The following DIS3L2 variants were observed in gnomAD, a reference collection of about 807,000 sequenced individuals.
DIS3L2 encodes the protein DIS3 like 3'-5' exoribonuclease 2.
DIS3L2 carries 34 observed loss-of-function variants against 97.5 expected under a neutral mutation model. That is an observed-to-expected ratio of 0.35 (90% CI 0.27 to 0.46). DIS3L2 has a LOEUF of 0.46. Ranked by LOEUF, DIS3L2 falls within the 20% of genes least tolerant of loss-of-function variation. DIS3L2 has a pLI of 1.00. For missense variants in DIS3L2, 1,038 were observed against 1,146.0 expected (o/e 0.91, Z 1.36); for synonymous variants, 435 against 445.2 (o/e 0.98, Z 0.29).
intron 5 of DIS3L2, among the ~76,000 whole-genome samples, chr2:232,061,689 A>C (rs1243281642): frequency 6.6e-6 from 1 of 152,202 alleles, no homozygotes; most frequent in Non-Finnish European, 1.5e-5. Context: ...CTTCTGACCC[A>C]TGGAAGTGCA....
intron 6 of DIS3L2, among the ~76,000 whole-genome samples, chr2:232,123,356 T>C (rs940897816): frequency 1.3e-5 from 2 of 152,176 alleles, no homozygotes; most frequent in Admixed American, 1.3e-4. Context: ...ATGGGGTTGC[T>C]GAGACAAATG....
At chr2:232,185,860 A>G (rs997617925) in intron 9 of DIS3L2, among the ~76,000 whole-genome samples, 4 of 152,236 alleles carry the variant, frequency 2.6e-5, no homozygotes, top group African/African-American at 9.6e-5. Context: ...AAAAAAAAAA[A>G]AAAAAAGCAC....
chr2:232,157,155 G>A (rs1352228491), intron 8 of DIS3L2, among the ~76,000 whole-genome samples: 4 of 152,160 alleles, frequency 2.6e-5, no homozygotes, highest in Non-Finnish European at 5.9e-5. Context: ...CAGGGTTCTT[G>A]TAGTCTCAGA....
chr2:232,148,551 C>T (rs925068719), intron 8 of DIS3L2, among the ~76,000 whole-genome samples: 1 of 152,028 alleles, frequency 6.6e-6, no homozygotes, highest in Non-Finnish European at 1.5e-5. Context: ...TTAATTACTA[C>T]TAATAGGAAC....
At chr2:232,231,688 A>G (rs1188574893) in intron 10 of DIS3L2, among the ~76,000 whole-genome samples, 1 of 152,238 alleles carries the variant, frequency 6.6e-6, no homozygotes, top group African/African-American at 2.4e-5. Context: ...AGGGCTCAGC[A>G]CCTGCATGGG....
intron 10 of DIS3L2, among the ~76,000 whole-genome samples, chr2:232,214,530 T>G (rs1431221781): frequency 1.3e-5 from 2 of 152,148 alleles, no homozygotes; most frequent in African/African-American, 4.8e-5. Flanking sequence ...ATTCTCAACT[T>G]AGCATCCTAA....
intron 11 of DIS3L2, among the ~76,000 whole-genome samples, chr2:232,247,628 GGGGGGGGCGGGGGGGA>G (rs1693294675): frequency 1.5e-5 from 1 of 66,388 alleles, no homozygotes; most frequent in Non-Finnish European, 3.8e-5. Context: ...GGGGGGGGGG[GGGGGGGGCGGGGGGGA>G]GGGTGCCAAT....
rs1173610603 is a variant in DIS3L2 at position 232,087,667 on chromosome 2, C to A, written c.547C>A (p.Gln183Lys). Residue 183 changes from glutamine (Q) to lysine (K), a missense_variant, in exon 6 of 21, where the codon CAA becomes AAA. By Grantham distance (53) the Gln-to-Lys change is moderately conservative. Coordinates refer to ENST00000325385, the MANE Select transcript of DIS3L2 (RefSeq NM_152383.5). ...CTCAGAAGATGGACATGGCATCACA[C>A]AAAATGTGCTGGTTGATGGTGTTAA... is the stretch of plus-strand genomic sequence containing the variant. ...SDSEDGHGIT[Q>K]NVLVDGVKKL... 6.2e-7 allele frequency: 1 copy of A among 1,614,034 alleles called. No individual in the cohort carries two copies. The highest frequency in any genetic ancestry group is 8.5e-7 in the Non-Finnish European group (1 of 1,180,038).
chr2:232,030,866 T>A (rs149842688), intron 5 of DIS3L2, among the ~76,000 whole-genome samples: 23 of 152,332 alleles, frequency 1.5e-4, no homozygotes, highest in Admixed American at 5.9e-4. Flanking sequence ...TATAGATGTA[T>A]CTAAGTCTGA....
intron 11 of DIS3L2, 152 bp from the exon 12 acceptor site, chr2:232,249,087 G>A: frequency 3.0e-6 from 2 of 666,078 alleles, no homozygotes; most frequent in Non-Finnish European, 5.2e-6. Context: ...GTATACAACA[G>A]TGTGGTCTTT....
intron 1 of DIS3L2, among the ~76,000 whole-genome samples, chr2:231,998,845 G>A (rs1044507347): frequency 3.3e-5 from 5 of 152,090 alleles, no homozygotes; most frequent in African/African-American, 1.2e-4. Flanking sequence ...TTGTCTATCA[G>A]TAGGAACTTA....
At chr2:232,086,659 ATGTGTGTGTGTGTGTGTG>A (rs753898708) in intron 5 of DIS3L2, among the ~76,000 whole-genome samples, 24 of 92,400 alleles carry the variant, frequency 2.6e-4, no homozygotes, top group South Asian at 9.5e-4. Context: ...ATATATATAT[ATGTGTGTGTGTGTGTGTG>A]TATATATATA....
chr2:231,980,565 G>T (rs374529137), intron 1 of DIS3L2, among the ~76,000 whole-genome samples: 1 of 152,208 alleles, frequency 6.6e-6, no homozygotes, highest in East Asian at 1.9e-4. Flanking sequence ...GGGCGTGGTG[G>T]CATGCACCTG....
At chr2:232,094,137 CTT>C (rs762092986) in intron 6 of DIS3L2, among the ~76,000 whole-genome samples, 9 of 151,988 alleles carry the variant, frequency 5.9e-5, no homozygotes, top group Non-Finnish European at 1.0e-4. Flanking sequence ...CAAAATTCCT[CTT>C]GTTATTGATT....
intron 9 of DIS3L2, among the ~76,000 whole-genome samples, chr2:232,187,634 G>T (rs897271350): frequency 2.0e-5 from 3 of 151,944 alleles, no homozygotes; most frequent in African/African-American, 7.3e-5. Flanking sequence ...GTAGAGACAG[G>T]GTTTCACCAT....
At chr2:232,264,997 A>G (rs1394868157) in intron 13 of DIS3L2, among the ~76,000 whole-genome samples, 3 of 152,256 alleles carry the variant, frequency 2.0e-5, no homozygotes, top group African/African-American at 7.2e-5. Context: ...AGAAGACAGC[A>G]GACATGGTGG....
rs1418789275 is a variant in DIS3L2 at position 232,168,326 on chromosome 2, AC to A, written c.1124+4695del. ...ATTTTCCTAAAGTATCTGATAGGTA[AC>A]ATATGACTGATAGCCATTGTTTTGA... On this transcript the variant is annotated intron_variant, in intron 9 of 20. Transcript: ENST00000325385. Among the ~76,000 whole-genome samples the A allele has an allele frequency of 7.9e-5, 12 of 152,332 alleles. No homozygotes were observed. The East Asian group carries it at 1.9e-3, about 24-fold the overall frequency.
chr2:232,260,971 T>A (rs1693697573), intron 12 of DIS3L2, among the ~76,000 whole-genome samples: 1 of 152,204 alleles, frequency 6.6e-6, no homozygotes, highest in Non-Finnish European at 1.5e-5. Context: ...AAGGGGGATG[T>A]CTGCAAGCCC....
At chr2:232,167,505 T>G (rs1421311558) in intron 9 of DIS3L2, among the ~76,000 whole-genome samples, 1 of 152,210 alleles carries the variant, frequency 6.6e-6, no homozygotes, top group Non-Finnish European at 1.5e-5. Context: ...TTTTGGTACT[T>G]GGTTTTGATG....
Sources: gnomAD v4.1 joint callset for allele counts (sites outside exome capture counted in the v4.1 genomes callset) on GRCh38, gnomAD v4.1.1 for gene constraint, MANE v1.5 for transcripts, NCBI Gene and HGNC (gene_info 2026-07-23, HGNC 2026-07-21) for gene names.